PSMD11: variants seen among roughly 807,000 people sequenced by gnomAD.
PSMD11 encodes the protein proteasome 26S subunit, non-ATPase 11.
Under a neutral mutation model 62.3 loss-of-function variants are expected in PSMD11, and 5 were observed. That is an observed-to-expected ratio of 0.08 (90% CI 0.04 to 0.17). The LOEUF (loss-of-function observed/expected upper bound fraction) is 0.17, where lower values mean the gene tolerates loss of function less well. Ranked by LOEUF, PSMD11 falls within the 10% of genes least tolerant of loss-of-function variation. PSMD11 has a pLI of 1.00. For missense variants in PSMD11, 310 were observed against 512.9 expected (o/e 0.60, Z 3.82); for synonymous variants, 191 against 191.8 (o/e 1.00, Z 0.03).
chr17:32,468,166 G>A (rs1453618725), intron 5 of PSMD11, among the ~76,000 whole-genome samples: 1 of 152,110 alleles, frequency 6.6e-6, no homozygotes, highest in African/African-American at 2.4e-5. Context: ...ATTCTGTGGT[G>A]TATATGTACA....
intron 6 of PSMD11, 54 bp from the exon 7 acceptor site, chr17:32,473,747 C>CT: frequency 6.3e-7 from 1 of 1,589,888 alleles, no homozygotes; most frequent in Admixed American, 1.7e-5. Context: ...CAGCTCTGAT[C>CT]TTTTATGGCT....
chr17:32,463,481 C>T (rs976997950), intron 3 of PSMD11: 1 of 152,916 alleles, frequency 6.5e-6, no homozygotes, highest in Non-Finnish European at 1.5e-5. Flanking sequence ...TTCAGACCAG[C>T]TTTTATCCCC....
At chr17:32,467,394 C>A (rs1345502314) in intron 5 of PSMD11, among the ~76,000 whole-genome samples, 1 of 151,802 alleles carries the variant, frequency 6.6e-6, no homozygotes, top group East Asian at 1.9e-4. Context: ...TATAGGCGTG[C>A]ACCACCATGT....
chr17:32,453,502 C>T (rs1907564801), intron 2 of PSMD11, among the ~76,000 whole-genome samples: 1 of 152,090 alleles, frequency 6.6e-6, no homozygotes, highest in African/African-American at 2.4e-5. Context: ...ATATCAAGTT[C>T]TTAAGTACCG....
intron 1 of PSMD11, chr17:32,445,805 A>T (rs1178829186): frequency 6.6e-6 from 1 of 152,214 alleles, no homozygotes; most frequent in African/African-American, 2.4e-5. Flanking sequence ...ATACTTTATC[A>T]TTGGGGATAC....
chr17:32,444,804 T>C, intron 1 of PSMD11, 190 bp downstream of exon 1: 1 of 637,594 alleles, frequency 1.6e-6, no homozygotes, highest in South Asian at 2.1e-5. Flanking sequence ...GTGGGAGGGC[T>C]TGAGGCAATC....
chr17:32,455,730 T>G (rs1288778425), intron 3 of PSMD11, among the ~76,000 whole-genome samples: 1 of 152,228 alleles, frequency 6.6e-6, no homozygotes, highest in Non-Finnish European at 1.5e-5. Context: ...AACTGTTTGA[T>G]GATAGTATAT....
intron 6 of PSMD11, among the ~76,000 whole-genome samples, chr17:32,469,885 A>C (rs932425179): frequency 6.6e-6 from 1 of 152,164 alleles, no homozygotes; most frequent in Admixed American, 6.5e-5. Context: ...GCTGCTTTCT[A>C]GTATGTGACT....
At chr17:32,477,447 T>C (rs111952131) in intron 8 of PSMD11, 74 bp from the exon 9 acceptor site, 1 of 1,299,268 alleles carries the variant, frequency 7.7e-7, no homozygotes, top group Non-Finnish European at 1.1e-6. Flanking sequence ...GGACACAGCA[T>C]ACTGCTTATG....
At chr17:32,445,879 A>G (rs1400153124) in intron 1 of PSMD11, 1 of 152,216 alleles carries the variant, frequency 6.6e-6, no homozygotes, top group African/African-American at 2.4e-5. Flanking sequence ...AAGGTGTTTC[A>G]TTTTAAAAGT....
intron 8 of PSMD11, among the ~76,000 whole-genome samples, chr17:32,475,723 C>G (rs1416984497): frequency 6.6e-6 from 1 of 151,696 alleles, no homozygotes; most frequent in African/African-American, 2.4e-5. Flanking sequence ...CTCAGCCTCC[C>G]GAGTAGCTGG....
intron 1 of PSMD11, chr17:32,445,175 T>G (rs1401107365): frequency 6.4e-6 from 1 of 157,342 alleles, no homozygotes; most frequent in Non-Finnish European, 1.4e-5. Flanking sequence ...GAGGAGGGTC[T>G]CTTTCAGAAT....
intron 2 of PSMD11, among the ~76,000 whole-genome samples, chr17:32,450,906 A>T (rs9899540): frequency 0.58 from 87,390 of 149,524 alleles, 26,108 homozygotes; most frequent in African/African-American, 0.66. Flanking sequence ...GTTAAAAAAA[A>T]TTTTTTTTTT....
intron 3 of PSMD11, among the ~76,000 whole-genome samples, chr17:32,458,905 A>G (rs1199490666): frequency 6.6e-6 from 1 of 151,558 alleles, no homozygotes. Flanking sequence ...TGATCACCCT[A>G]TCTTTGTTTC....
At chr17:32,460,948 G>A (rs1907818595) in intron 3 of PSMD11, among the ~76,000 whole-genome samples, 7 of 152,038 alleles carry the variant, frequency 4.6e-5, no homozygotes, top group Admixed American at 4.6e-4. Flanking sequence ...GAAAAGTAAG[G>A]TGAAGAGGAG....
rs1908553596 is a variant in PSMD11 at position 32,483,062 on chromosome 17, C to G, written c.*2310C>G. 6.6e-6 allele frequency: 1 copy of G among 152,068 alleles called. No homozygotes were observed. The highest frequency in any genetic ancestry group is 1.5e-5 in the Non-Finnish European group (1 of 68,012). The allele number at this position is 152,068 out of a possible 1,614,324, so 9.4% of individuals were successfully genotyped here. A position where few individuals can be genotyped will look rare whatever the true frequency, so the allele number is the denominator to read the frequency against. ...CAGGCAGTAGCCCTTTTCTCAGTTC[C>G]CTTTGCGGGTCTTGGTCAGATGATG... On this transcript the variant is annotated 3_prime_UTR_variant, in exon 14 of 14. Coordinates refer to ENST00000261712, the MANE Select transcript of PSMD11 (RefSeq NM_002815.4).
Position 32,480,127 on chromosome 17 carries a change from T to A in PSMD11, c.1075-19T>A. The A allele has an allele frequency of 6.2e-7, 1 of 1,611,540 alleles. No individual in the cohort carries two copies. On this transcript the variant is annotated intron_variant, in intron 11 of 13. Transcript: ENST00000261712. ...GACTAGTGGATACTGGTCCCTTTAATCATGTGCTTTGATTTTAGGCCGACG... is the reference window on the plus strand; with the variant it reads ...GACTAGTGGATACTGGTCCCTTTAAACATGTGCTTTGATTTTAGGCCGACG...
intron 6 of PSMD11, among the ~76,000 whole-genome samples, chr17:32,473,388 T>C (rs1048736119): frequency 1.8e-4 from 28 of 151,864 alleles, no homozygotes; most frequent in Admixed American, 1.8e-3. Context: ...GTGATTCTCC[T>C]TCCTCAGCCT....
intron 1 of PSMD11, 109 bp from the exon 2 acceptor site, chr17:32,446,820 TAACTCTAGAATTTGTC>T: frequency 2.3e-5 from 11 of 470,990 alleles, no homozygotes; most frequent in South Asian, 9.7e-5. Context: ...TTTTTTTTTT[TAACTCTAGAATTTGTC>T]TTTTGGTAAA....
Sources: gnomAD v4.1 joint callset for allele counts (sites outside exome capture counted in the v4.1 genomes callset) on GRCh38, gnomAD v4.1.1 for gene constraint, MANE v1.5 for transcripts, NCBI Gene and HGNC (gene_info 2026-07-23, HGNC 2026-07-21) for gene names.